Variants in BDP1 observed in about 807,000 individuals in gnomAD.
The protein encoded by BDP1 is BDP1 general transcription factor IIIB subunit.
BDP1 carries 169 observed loss-of-function variants against 266.6 expected under a neutral mutation model. The ratio of observed to expected loss-of-function variants is 0.63; its 90% confidence interval spans 0.56 to 0.72. The LOEUF (loss-of-function observed/expected upper bound fraction) is 0.72. Ranked by LOEUF, BDP1 falls within the 30% of genes least tolerant of loss-of-function variation. The pLI is 0.00. For missense variants in BDP1, 3,015 were observed against 3,053.8 expected, an observed-to-expected ratio of 0.99 and a Z score of 0.30; for synonymous variants, 1,090 against 1,022.4, an observed-to-expected ratio of 1.07 and a Z score of -1.26.
At position 71,470,739 on chromosome 5, in the gene BDP1, C is replaced by A. The variant is rs560392073; in HGVS notation, c.1014+250C>A. On this transcript the variant is annotated intron_variant, in intron 7 of 38. Coordinates refer to ENST00000358731, the MANE Select transcript of BDP1 (RefSeq NM_018429.3). ...CATAGCTGGTATTACAGGCACCTGC[C>A]ACCACGCCCGGCTGATTTTTTTACT... is the stretch of plus-strand genomic sequence containing the variant. Among the ~76,000 whole-genome samples, 6 of 152,042 alleles carry A rather than the reference C, an allele frequency of 3.9e-5. No homozygotes were observed. In the East Asian group the frequency reaches 1.2e-3, roughly 29 times the overall value.
chr5:71,534,481 G>A (rs1286544445), intron 26 of BDP1, among the ~76,000 whole-genome samples: 2 of 150,270 alleles, frequency 1.3e-5, no homozygotes, highest in African/African-American at 4.9e-5. Context: ...ATTGATTACT[G>A]TTACTTTGTA....
chr5:71,542,352 T>C, intron 30 of BDP1, 87 bp downstream of exon 30: 1 of 1,201,216 alleles, frequency 8.3e-7, no homozygotes, highest in Non-Finnish European at 1.2e-6. Context: ...GGTCATTAAA[T>C]TGTTTTAACT....
intron 17 of BDP1, 135 bp downstream of exon 17, chr5:71,511,286 A>G (rs1580111198): frequency 1.2e-6 from 1 of 851,454 alleles, no homozygotes; most frequent in Non-Finnish European, 1.8e-6. Flanking sequence ...TGTAGCCCTA[A>G]GTTTCTATGT....
rs189115844 is a variant in BDP1, at chr5:71,465,984, G to A, written c.660-112G>A. The A allele has an allele frequency of 1.6e-3, 1,791 of 1,140,310 alleles. 18 individuals carry two copies. The Middle Eastern group carries it at 0.037, about 24-fold the overall frequency. The allele number at this position is 1,140,310 out of a possible 1,614,324, so 70.6% of individuals were successfully genotyped here. ...ATACTGTTTTCATTTGGATTATAGG[G>A]AAAGTTGGAAATAGCTAGAAGGTTG... On this transcript the variant is annotated intron_variant, in intron 4 of 38. Transcript: ENST00000358731.
chr5:71,456,097 G>T lies in BDP1; in HGVS notation c.212+8G>T. 1 of 1,607,410 alleles carries T rather than the reference G, an allele frequency of 6.2e-7. No homozygotes were observed. Among genetic ancestry groups the T allele is most frequent in the Non-Finnish European group, 8.5e-7 (1 of 1,177,638 alleles). ...AAAGGCTCCTAGGAGCAGGTAAGAG[G>T]TTGCAGAGGGAAGAATTTTCATTTG... On this transcript the variant is annotated splice_region_variant and intron_variant, in intron 1 of 38. Transcript: ENST00000358731.
intron 25 of BDP1, among the ~76,000 whole-genome samples, chr5:71,529,761 A>G (rs1766120387): frequency 6.6e-6 from 1 of 152,234 alleles, no homozygotes; most frequent in South Asian, 2.1e-4. Context: ...ACATGGATGA[A>G]TTTTGGAAAC....
At chr5:71,551,870 C>T (rs1477640282) in intron 34 of BDP1, among the ~76,000 whole-genome samples, 41 of 150,510 alleles carry the variant, frequency 2.7e-4, no homozygotes, top group Non-Finnish European at 5.3e-4. Context: ...GCGCCCCTCA[C>T]CTCCCGGACG....
In BDP1 at chr5:71,509,725, G is replaced by T; in HGVS notation, c.2633G>T (p.Gly878Val). The T allele has an allele frequency of 6.2e-7, 1 of 1,614,030 alleles. No individual in the cohort carries two copies. The highest frequency in any genetic ancestry group is 2.2e-5 in the East Asian group (1 of 44,880). Reference protein sequence around the residue: ...KEMQSDLKETGRRAISPREKI... With the variant: ...KEMQSDLKETVRRAISPREKI... Reference sequence around the variant, plus strand: ...ATGCAGTCAGATTTAAAAGAAACTGGAAGAAGAGCCATTTCTCCCAGGGAG... The same window carrying T: ...ATGCAGTCAGATTTAAAAGAAACTGTAAGAAGAGCCATTTCTCCCAGGGAG... Residue 878 changes from glycine to valine, a missense_variant, in exon 17 of 39, where the codon GGA becomes GTA. Physicochemically the swap from Gly to Val is moderately radical, Grantham distance 109. Transcript: ENST00000358731.
intron 7 of BDP1, among the ~76,000 whole-genome samples, chr5:71,477,432 A>G (rs915497877): frequency 2.0e-5 from 3 of 152,176 alleles, no homozygotes; most frequent in Admixed American, 6.5e-5. Context: ...TACAGGCATG[A>G]GACACTGCAC....
intron 31 of BDP1, among the ~76,000 whole-genome samples, chr5:71,544,764 T>A (rs1742145439): frequency 6.6e-6 from 1 of 150,712 alleles, no homozygotes; most frequent in Admixed American, 6.7e-5. Context: ...TCTGTAGTTG[T>A]AGCTACTTGG....
intron 15 of BDP1, among the ~76,000 whole-genome samples, chr5:71,504,344 A>G (rs1764444337): frequency 6.6e-6 from 1 of 152,196 alleles, no homozygotes; most frequent in Non-Finnish European, 1.5e-5. Context: ...GAATTCAGAA[A>G]GATAGACCCC....
At chr5:71,519,251 C>T (rs1765379217) in intron 22 of BDP1, among the ~76,000 whole-genome samples, 1 of 152,142 alleles carries the variant, frequency 6.6e-6, no homozygotes, top group African/African-American at 2.4e-5. Flanking sequence ...ACATTATACA[C>T]AATATATAAT....
chr5:71,572,051 C>G (rs1053367133), downstream of BDP1, among the ~76,000 whole-genome samples: 1 of 152,184 alleles, frequency 6.6e-6, no homozygotes, highest in Non-Finnish European at 1.5e-5. Flanking sequence ...CCATCGCTCC[C>G]TGGCCCCGGC....
In BDP1 at chr5:71,487,068, A is replaced by G. The variant is rs552045844; in HGVS notation, c.1213+441A>G. ...GCTAATGTTGAGTTGTAACAGGTAG[A>G]AATTGTATATATGTAGGTATTTTTA... On this transcript the variant is annotated intron_variant, in intron 9 of 38. Coordinates refer to ENST00000358731, the MANE Select transcript of BDP1 (RefSeq NM_018429.3). Among the ~76,000 whole-genome samples the G allele has an allele frequency of 3.3e-5, 5 of 152,304 alleles. No homozygotes were observed. The East Asian group carries it at 9.6e-4, about 29-fold the overall frequency.
Position 71,564,867 on chromosome 5 carries a change from A to G in BDP1, c.7857A>G (p.Glu2619=). ...ATTTCTTCAATGATATCTTCATTGA[A>G]GTGGATGAAACAGAATAAAACAATC... ...SEYFFNDIFI[E]VDETE is the part of the protein sequence containing the mutation. The change falls in exon 39 of 39, where the codon GAA becomes GAG. Residue 2619 remains glutamate, a synonymous_variant. Coordinates refer to ENST00000358731, the MANE Select transcript of BDP1 (RefSeq NM_018429.3). 1.2e-6 allele frequency: 2 copies of G among 1,605,780 alleles called. No individual in the cohort carries two copies. The highest frequency in any genetic ancestry group is 1.7e-6 in the Non-Finnish European group (2 of 1,178,184).
chr5:71,547,121 G>T (rs1192294492), intron 32 of BDP1, among the ~76,000 whole-genome samples: 1 of 151,926 alleles, frequency 6.6e-6, no homozygotes, highest in East Asian at 1.9e-4. Context: ...CCAAAGTGCT[G>T]GGATTACAGG....
chr5:71,460,471 T>G (rs1761481768), intron 2 of BDP1, among the ~76,000 whole-genome samples: 2 of 152,264 alleles, frequency 1.3e-5, no homozygotes, highest in South Asian at 4.1e-4. Context: ...AAAATGCCTC[T>G]TAGTTTTTTT....
intron 21 of BDP1, among the ~76,000 whole-genome samples, chr5:71,516,702 A>C (rs1264152460): frequency 1.3e-5 from 2 of 152,188 alleles, no homozygotes; most frequent in African/African-American, 4.8e-5. Context: ...TGTTAGTTAC[A>C]TCATTTTTGC....
chr5:71,541,433 G>GTTTTTTTTTTTTTTTTTTTT (rs370269048), intron 28 of BDP1, 21 bp from the exon 29 acceptor site: 1 of 698,148 alleles, frequency 1.4e-6, no homozygotes, highest in Non-Finnish European at 2.1e-6. Context: ...TTTTAATTTT[G>GTTTTTTTTTTTTTTTTTTTT]TTTTTTTTTT....
Sources: allele counts gnomAD v4.1 joint callset (sites outside exome capture counted in the v4.1 genomes callset), GRCh38; gene constraint gnomAD v4.1.1; transcripts MANE v1.5; gene names NCBI Gene and HGNC (gene_info 2026-07-23, HGNC 2026-07-21).